The following ACR variants were observed in gnomAD, a reference collection of about 807,000 sequenced individuals.
ACR encodes the protein acrosin, also known as acrosin light and heavy chain prepropeptide.
Under a neutral mutation model 26.0 loss-of-function variants are expected in ACR, and 17 were observed. The observed-to-expected ratio is 0.65, with a 90% CI of 0.45 to 0.98. The LOEUF (loss-of-function observed/expected upper bound fraction) is 0.98. Among genes scored for constraint, ACR ranks in the 50% least tolerant of loss-of-function variants. ACR has a pLI of 0.00. For synonymous variants in ACR, 199 were observed against 207.7 expected, an observed-to-expected ratio of 0.96 and a Z score of 0.36; for missense variants, 435 against 519.3, an observed-to-expected ratio of 0.84 and a Z score of 1.58.
chr22:50,739,771 T>C lies in ACR; in HGVS notation c.359T>C (p.Leu120Pro). ...AACAATAAACCAGTAAAGGCGCCTCTGCAAGAGAGATATGTGGAGAAAATC... is the reference window on the plus strand; with the variant it reads ...AACAATAAACCAGTAAAGGCGCCTCCGCAAGAGAGATATGTGGAGAAAATC... ...YGNNKPVKAP[L>P]QERYVEKIII... The change falls in exon 3 of 5, where the codon CTG (leucine) becomes CCG (proline). Residue 120 changes from leucine (L) to proline (P), a missense_variant. Around this residue, in one of 3 missense-constraint regions of ACR, gnomAD observed 314 missense variants for 372.0 expected, o/e 0.84. Coordinates refer to ENST00000216139, the MANE Select transcript of ACR (RefSeq NM_001097.3). This position sits in a 1 kb window ranked among gnomAD's most constrained non-coding sequence, Gnocchi z 5.5. The C allele has an allele frequency of 6.3e-7, 1 of 1,595,254 alleles. No individual in the cohort carries two copies. The highest frequency in any genetic ancestry group is 8.5e-7 in the Non-Finnish European group (1 of 1,172,622).
At chr22:50,742,409 T>C (rs1343003164) in intron 3 of ACR, among the ~76,000 whole-genome samples, 1 of 151,708 alleles carries the variant, frequency 6.6e-6, no homozygotes, top group East Asian at 2.0e-4. Context: ...CCGGGCATGG[T>C]GGCGGGCGCC....
In ACR at chr22:50,739,162, C is replaced by T. The variant is rs751935744; in HGVS notation, c.78-109C>T. On this transcript the variant is annotated intron_variant, in intron 1 of 4. Coordinates refer to ENST00000216139, the MANE Select transcript of ACR (RefSeq NM_001097.3). This position sits in a 1 kb window ranked among gnomAD's most constrained non-coding sequence, Gnocchi z 5.5. The stretch of plus-strand genomic sequence containing the variant: ...CCCCTGCTTTCCCAGAACCCGGAAG[C>T]TCTTCCCCACTTTTCCCAACCCCAT... The T allele has an allele frequency of 1.0e-6, 1 of 995,022 alleles. No homozygotes were observed. The highest frequency in any genetic ancestry group is 1.5e-6 in the Non-Finnish European group (1 of 662,822). 61.6% of individuals were successfully genotyped at this position (995,022 alleles called of 1,614,324 possible).
intron 3 of ACR, among the ~76,000 whole-genome samples, chr22:50,742,207 T>C (rs1411622691): frequency 6.6e-6 from 1 of 152,144 alleles, no homozygotes; most frequent in African/African-American, 2.4e-5. Context: ...CTCTTCACAA[T>C]AAAACCCATG....
Position 50,744,868 on chromosome 22 carries a change from G to A in ACR, c.927G>A (p.Pro309=), listed in dbSNP as rs778269132. 9.8e-6 allele frequency: 15 copies of A among 1,538,346 alleles called. No individual in the cohort carries two copies. The highest frequency in any genetic ancestry group is 9.6e-5 in the Admixed American group (5 of 52,090). Residue 309 remains proline (P), a synonymous_variant, in exon 5 of 5, where the codon CCG becomes CCA. Coordinates refer to ENST00000216139, the MANE Select transcript of ACR (RefSeq NM_001097.3). ...CCCCTCCACCTCCCACCACTCGACC[G>A]CCCCCGATTCGACCCCCCTTCTCCC... ...SATPPPPTTR[P]PPIRPPFSHP...
chr22:50,744,465 C>A, intron 4 of ACR, 188 bp from the exon 5 acceptor site: 1 of 912,374 alleles, frequency 1.1e-6, no homozygotes, highest in South Asian at 1.8e-5. Context: ...AAAGCCCTGA[C>A]AATTCACACC....
chr22:50,739,702 A>G lies in ACR; in HGVS notation c.290A>G (p.His97Arg). Residue 97 changes from histidine (H) to arginine (R), a missense_variant, in exon 3 of 5, where the codon CAT becomes CGT. Around this residue, in one of 3 missense-constraint regions of ACR, gnomAD observed 314 missense variants for 372.0 expected, o/e 0.84. Coordinates refer to ENST00000216139, the MANE Select transcript of ACR (RefSeq NM_001097.3). This position sits in a 1 kb window ranked among gnomAD's most constrained non-coding sequence, Gnocchi z 5.5. Reference sequence around the variant, plus strand: ...TACCTTTGTGCCCACAGTAATGTGCATGACTGGAGACTGGTTTTCGGAGCA... The same window carrying G: ...TACCTTTGTGCCCACAGTAATGTGCGTGACTGGAGACTGGTTTTCGGAGCA... ...AHCFVGKNNV[H>R]DWRLVFGAKE... 3 of 1,539,222 alleles carry G rather than the reference A, an allele frequency of 1.9e-6. No individual in the cohort carries two copies. The highest frequency in any genetic ancestry group is 2.6e-6 in the Non-Finnish European group (3 of 1,145,498).
chr22:50,738,381 T>C, intron 1 of ACR, 69 bp downstream of exon 1: 2 of 1,496,790 alleles, frequency 1.3e-6, no homozygotes, highest in Non-Finnish European at 1.8e-6. Flanking sequence ...ACTCCCTCTG[T>C]CCAGGGCTAG....
chr22:50,739,685 T>C lies in ACR; in HGVS notation c.282-9T>C. Reference sequence around the variant, plus strand: ...CCGGTTGTGACCTGGCTTACCTTTGTGCCCACAGTAATGTGCATGACTGGA... The same window carrying C: ...CCGGTTGTGACCTGGCTTACCTTTGCGCCCACAGTAATGTGCATGACTGGA... On this transcript the variant is annotated splice_polypyrimidine_tract_variant and intron_variant, in intron 2 of 4. Transcript: ENST00000216139. This position sits in a 1 kb window ranked among gnomAD's most constrained non-coding sequence, Gnocchi z 5.5. 1.3e-6 allele frequency: 2 copies of C among 1,536,818 alleles called. No homozygotes were observed. Among genetic ancestry groups the C allele is most frequent in the Non-Finnish European group, 1.7e-6 (2 of 1,143,744 alleles).
Position 50,738,225 on chromosome 22 carries a change from G to A in ACR, c.-11G>A, listed in dbSNP as rs773554712. Reference sequence around the variant, plus strand: ...GGTCACTAGGCTTGCAGGCCAGGCAGTGCCAGGAGTATGGTTGAGATGCTA... The same window carrying A: ...GGTCACTAGGCTTGCAGGCCAGGCAATGCCAGGAGTATGGTTGAGATGCTA... On this transcript the variant is annotated 5_prime_UTR_variant, in exon 1 of 5. The change creates a new upstream start codon in the 5' untranslated region. Transcript: ENST00000216139. The A allele has an allele frequency of 2.5e-6, 4 of 1,613,822 alleles. No individual in the cohort carries two copies. The highest frequency in any genetic ancestry group is 1.1e-5 in the South Asian group (1 of 91,076).
chr22:50,740,566 G>T, intron 3 of ACR: 1 of 702,174 alleles, frequency 1.4e-6, no homozygotes, highest in Non-Finnish European at 2.6e-6. Flanking sequence ...AGACTGGGAA[G>T]GGGACCGGTG....
At chr22:50,740,243 T>A in intron 3 of ACR, 1 of 589,368 alleles carries the variant, frequency 1.7e-6, no homozygotes, top group Non-Finnish European at 3.1e-6. Flanking sequence ...GTGTCTGTAT[T>A]TGGCACCTGG....
Position 50,738,284 on chromosome 22 carries a change from G to A in ACR, c.49G>A (p.Val17Met), listed in dbSNP as rs779879875. 90 of 1,613,890 alleles carry A rather than the reference G, an allele frequency of 5.6e-5. 2 individuals are homozygous for A. In the South Asian group the frequency reaches 5.7e-4, roughly 10 times the overall value. The change falls in exon 1 of 5, where the codon GTG (valine) becomes ATG (methionine). Residue 17 changes from valine (V) to methionine (M), a missense_variant. Around this residue, in one of 3 missense-constraint regions of ACR, gnomAD observed 314 missense variants for 372.0 expected, o/e 0.84. Coordinates refer to ENST00000216139, the MANE Select transcript of ACR (RefSeq NM_001097.3). Reference sequence around the variant, plus strand: ...CATTCTGCTGGTCTTGGCAGTGTCCGTGGTTGCTAAAGATAACGCCACGTG... The same window carrying A: ...CATTCTGCTGGTCTTGGCAGTGTCCATGGTTGCTAAAGATAACGCCACGTG... ...TAILLVLAVSVVAKDNATCDG... is the reference protein window; with the variant it reads ...TAILLVLAVSMVAKDNATCDG...
At position 50,743,121 on chromosome 22, in the gene ACR, C is replaced by T. The variant is rs533106887; in HGVS notation, c.566-940C>T. Reference sequence around the variant, plus strand: ...CGCCATCTCGGCTCACTGCAAGCTCCGCCTCCCGGGTTCACGCCATTCTCC... The same window carrying T: ...CGCCATCTCGGCTCACTGCAAGCTCTGCCTCCCGGGTTCACGCCATTCTCC... On this transcript the variant is annotated intron_variant, in intron 3 of 4. Transcript: ENST00000216139. Among the ~76,000 whole-genome samples, 656 of 151,378 alleles carry T rather than the reference C, an allele frequency of 4.3e-3. 5 individuals carry two copies. The highest frequency in any genetic ancestry group is 0.015 in the African/African-American group (620 of 41,292).
At position 50,739,322 on chromosome 22, in the gene ACR, C is replaced by T. The variant is rs749856990; in HGVS notation, c.129C>T (p.Ile43=). ...FRQNPQGGVR[I]VGGKAAQHGA... ...AAAACCCACAGGGTGGTGTCCGCATCGTCGGCGGGAAGGCTGCACAGCATG... is the reference window on the plus strand; with the variant it reads ...AAAACCCACAGGGTGGTGTCCGCATTGTCGGCGGGAAGGCTGCACAGCATG... Residue 43 remains isoleucine, a synonymous_variant, in exon 2 of 5, where the codon ATC becomes ATT. Coordinates refer to ENST00000216139, the MANE Select transcript of ACR (RefSeq NM_001097.3). The surrounding 1 kb of genome is among the most constrained non-coding windows in gnomAD (Gnocchi z 5.5). 1.5e-5 allele frequency: 24 copies of T among 1,606,662 alleles called. No individual in the cohort carries two copies. Among genetic ancestry groups the T allele is most frequent in the African/African-American group, 2.7e-5 (2 of 74,832 alleles).
rs777704545 is a variant in ACR at position 50,744,915 on chromosome 22, C to G, written c.974C>G (p.Pro325Arg). 1 of 1,581,636 alleles carries G rather than the reference C, an allele frequency of 6.3e-7. No homozygotes were observed. Among genetic ancestry groups the G allele is most frequent in the South Asian group, 1.1e-5 (1 of 88,864 alleles). ...TCCCACCCTATCTCTGCTCACCTTC[C>G]TTGGTATTTCCAACCGCCCCCTCGA... ...PFSHPISAHLPWYFQPPPRPL... is the reference protein window; with the variant it reads ...PFSHPISAHLRWYFQPPPRPL... Residue 325 changes from proline to arginine, a missense_variant, in exon 5 of 5, where the codon CCT (proline) becomes CGT (arginine). Pro to Arg is a moderately radical substitution (Grantham distance 103). Coordinates refer to ENST00000216139, the MANE Select transcript of ACR (RefSeq NM_001097.3).
chr22:50,738,609 C>T (rs1399674472), intron 1 of ACR, among the ~76,000 whole-genome samples: 1 of 151,338 alleles, frequency 6.6e-6, no homozygotes, highest in Non-Finnish European at 1.5e-5. Flanking sequence ...AGACAGCTGT[C>T]CCAACCCGTG....
chr22:50,739,497 G>C lies in ACR; in HGVS notation c.281+23G>C. 6.2e-7 allele frequency: 1 copy of C among 1,613,516 alleles called. No individual in the cohort carries two copies. Among genetic ancestry groups the C allele is most frequent in the Non-Finnish European group, 8.5e-7 (1 of 1,179,644 alleles). ...AAAGTACGTGTAGGGATGCACTGAG[G>C]GAGGTCTTCAGAACGGCTCTTCTCA... is the stretch of plus-strand genomic sequence containing the variant. On this transcript the variant is annotated intron_variant, in intron 2 of 4. Coordinates refer to ENST00000216139, the MANE Select transcript of ACR (RefSeq NM_001097.3). The surrounding 1 kb of genome is among the most constrained non-coding windows in gnomAD (Gnocchi z 5.5).
intron 1 of ACR, among the ~76,000 whole-genome samples, chr22:50,738,891 AGTCTCCCACCC>A (rs2083410849): frequency 1.3e-5 from 2 of 151,632 alleles, no homozygotes; most frequent in Non-Finnish European, 2.9e-5. Context: ...GACTTCCCTG[AGTCTCCCACCC>A]AAGATTGGTT....
chr22:50,744,934 C>G lies in ACR; in HGVS notation c.993C>G (p.Pro331=). Residue 331 remains proline (P), a synonymous_variant, in exon 5 of 5, where the codon CCC becomes CCG. Coordinates refer to ENST00000216139, the MANE Select transcript of ACR (RefSeq NM_001097.3). Reference sequence around the variant, plus strand: ...ACCTTCCTTGGTATTTCCAACCGCCCCCTCGACCACTTCCACCCCGACCAC... The same window carrying G: ...ACCTTCCTTGGTATTTCCAACCGCCGCCTCGACCACTTCCACCCCGACCAC... ...SAHLPWYFQP[P]PRPLPPRPPA... The G allele has an allele frequency of 6.5e-7, 1 of 1,545,182 alleles. No homozygotes were observed.
Sources: gnomAD v4.1 joint callset for allele counts (sites outside exome capture counted in the v4.1 genomes callset) on GRCh38, gnomAD v4.1.1 for gene constraint, gnomAD v4.1.1 regional missense constraint, Gnocchi (gnomAD v3.1) non-coding constraint, MANE v1.5 for transcripts, NCBI Gene and HGNC (gene_info 2026-07-23, HGNC 2026-07-21) for gene names.